MYH3: variants seen among roughly 807,000 people sequenced by gnomAD.
The protein encoded by MYH3 is myosin heavy chain 3.
A neutral mutation model predicts 238.0 loss-of-function variants in MYH3; 130 were observed. That is an observed-to-expected ratio of 0.55 (90% CI 0.47 to 0.63). The LOEUF (loss-of-function observed/expected upper bound fraction) is 0.63. Among genes scored for constraint, MYH3 ranks in the 30% least tolerant of loss-of-function variants. MYH3 has a pLI of 0.00. For missense variants in MYH3, 1,853 were observed against 2,374.9 expected (o/e 0.78, Z 4.57); for synonymous variants, 880 against 924.1 (o/e 0.95, Z 0.86).
chr17:10,650,398 C>A lies in MYH3; in HGVS notation c.509G>T (p.Arg170Leu), dbSNP rs777914421. The change falls in exon 6 of 41, where the codon CGT (arginine) becomes CTT (leucine). Residue 170 changes from arginine to leucine, a missense_variant. By Grantham distance (102) the Arg-to-Leu change is moderately radical. Around this residue, in one of 3 missense-constraint regions of MYH3, gnomAD observed 678 missense variants for 1,058.9 expected, o/e 0.64. Transcript: ENST00000583535. Reference sequence around the variant, plus strand: ...CGTGATCAGAATGGACTGGTTTTCACGATCTGCCAGAGGAAAAAATAAAAT... The same window carrying A: ...CGTGATCAGAATGGACTGGTTTTCAAGATCTGCCAGAGGAAAAAATAAAAT... The part of the protein sequence containing the change: ...DNAYQFMLTD[R>L]ENQSILITGE... 1 of 1,612,226 alleles carries A rather than the reference C, an allele frequency of 6.2e-7. No homozygotes were observed. The highest frequency in any genetic ancestry group is 1.1e-5 in the South Asian group (1 of 91,026).
In MYH3 at chr17:10,642,547, G is replaced by A. The variant is rs773628325; in HGVS notation, c.1758C>T (p.Thr586=). 16 of 1,614,114 alleles carry A rather than the reference G, an allele frequency of 9.9e-6. No individual in the cohort carries two copies. The highest frequency in any genetic ancestry group is 8.0e-5 in the African/African-American group (6 of 74,950). Residue 586 remains threonine (T), a synonymous_variant, in exon 16 of 41, where the codon ACC becomes ACT. Coordinates refer to ENST00000583535, the MANE Select transcript of MYH3 (RefSeq NM_002470.4). This position sits in a 1 kb window ranked among gnomAD's most constrained non-coding sequence, Gnocchi z 5.4. ...AHFSLIHYAG[T]VDYSVSGWLE... is the part of the protein sequence containing the mutation. ...GCCAACCTGAGACACTGTAGTCCAC[G>A]GTGCCCGCATAGTGGATCAGTGAGA... is the stretch of plus-strand genomic sequence containing the variant.
chr17:10,630,123 T>A lies in MYH3; in HGVS notation c.5531A>T (p.Tyr1844Phe). Residue 1844 changes from tyrosine (Y) to phenylalanine (F), a missense_variant, in exon 38 of 41, where the codon TAT (tyrosine) becomes TTT (phenylalanine). Transcript: ENST00000583535. ...CGTCAGCTCCTTGACCCTCCGCTCATACTTCCTCAGGCCCTTAACAGACTC... is the reference window on the plus strand; with the variant it reads ...CGTCAGCTCCTTGACCCTCCGCTCAAACTTCCTCAGGCCCTTAACAGACTC... ...NTESVKGLRK[Y>F]ERRVKELTYQ... 2 of 1,614,206 alleles carry A rather than the reference T, an allele frequency of 1.2e-6. No homozygotes were observed. Among genetic ancestry groups the A allele is most frequent in the Non-Finnish European group, 1.7e-6 (2 of 1,180,040 alleles).
At chr17:10,670,694 T>C in the MYH3 span, among the ~76,000 whole-genome samples, 2 of 146,620 alleles carry the variant, frequency 1.4e-5, no homozygotes, top group African/African-American at 4.9e-5. This position sits in a 1 kb window ranked among gnomAD's most constrained non-coding sequence, Gnocchi z 7.0. Context: ...AACACACCAC[T>C]ATTATTAATG....
rs2074413694 is a variant in MYH3, at chr17:10,654,907, T to C, written c.158A>G (p.Lys53Arg). 1.2e-6 allele frequency: 2 copies of C among 1,614,184 alleles called. No individual in the cohort carries two copies. The highest frequency in any genetic ancestry group is 1.7e-6 in the Non-Finnish European group (2 of 1,180,036). The stretch of plus-strand genomic sequence containing the variant: ...AGTGACCTTCCCATCCTGAGAACTC[T>C]TGATTTTCCCCTTGGCATATTCTTC... ...SKEEYAKGKI[K>R]SSQDGKVTVE... The change falls in exon 3 of 41, where the codon AAG becomes AGG. Residue 53 changes from lysine to arginine, a missense_variant. Physicochemically the swap from Lys to Arg is conservative, Grantham distance 26. Around this residue, in one of 3 missense-constraint regions of MYH3, gnomAD observed 131 missense variants for 123.5 expected, o/e 1.06. Coordinates refer to ENST00000583535, the MANE Select transcript of MYH3 (RefSeq NM_002470.4). This position sits in a 1 kb window ranked among gnomAD's most constrained non-coding sequence, Gnocchi z 4.5.
Position 10,634,104 on chromosome 17 carries a change from T to C in MYH3, c.4435A>G (p.Ser1479Gly), listed in dbSNP as rs767224647. The C allele has an allele frequency of 6.2e-7, 1 of 1,614,210 alleles. No individual in the cohort carries two copies. Among genetic ancestry groups the C allele is most frequent in the South Asian group, 1.1e-5 (1 of 91,088 alleles). The stretch of plus-strand genomic sequence containing the variant: ...TTTTTCAGTTTGAAGAGCTCAGTGC[T>C]CAAGGAGCGGGACTCCTTCAGGGAT... ...EASLKESRSL[S>G]TELFKLKNAY... Residue 1479 changes from serine to glycine, a missense_variant, in exon 32 of 41, where the codon AGC becomes GGC. Ser to Gly is a moderately conservative substitution (Grantham distance 56). Coordinates refer to ENST00000583535, the MANE Select transcript of MYH3 (RefSeq NM_002470.4).
At chr17:10,655,636 C>T (rs917005943) in intron 2 of MYH3, among the ~76,000 whole-genome samples, 2 of 152,100 alleles carry the variant, frequency 1.3e-5, no homozygotes, top group Non-Finnish European at 2.9e-5. Context: ...AATGCCACCT[C>T]CTCTCCCGCC....
intron 6 of MYH3, 121 bp from the exon 7 acceptor site, chr17:10,649,806 C>G (rs145070735): frequency 1.1e-6 from 1 of 889,176 alleles, no homozygotes; most frequent in Non-Finnish European, 1.9e-6. Flanking sequence ...ACTCACCACA[C>G]TAATGTGACA....
intron 40 of MYH3, among the ~76,000 whole-genome samples, chr17:10,629,369 T>G (rs1298486376): frequency 6.6e-6 from 1 of 152,214 alleles, no homozygotes; most frequent in Non-Finnish European, 1.5e-5. Context: ...TCATTCTTTT[T>G]TATGGCTGCA....
chr17:10,664,518 C>T, the MYH3 span, among the ~76,000 whole-genome samples: 1 of 152,116 alleles, frequency 6.6e-6, no homozygotes, highest in East Asian at 1.9e-4. Flanking sequence ...CAAAGTTAAT[C>T]AGAGTAAATT....
At chr17:10,670,140 T>G in the MYH3 span, among the ~76,000 whole-genome samples, 93,685 of 151,940 alleles carry the variant, frequency 0.62, 29,161 homozygotes, top group East Asian at 0.84. This position sits in a 1 kb window ranked among gnomAD's most constrained non-coding sequence, Gnocchi z 7.0. Flanking sequence ...ATTTCCTTCA[T>G]AGGCTTGAGT....
the MYH3 span, among the ~76,000 whole-genome samples, chr17:10,670,880 T>C: frequency 1.3e-5 from 2 of 152,080 alleles, no homozygotes; most frequent in Non-Finnish European, 2.9e-5. This position sits in a 1 kb window ranked among gnomAD's most constrained non-coding sequence, Gnocchi z 7.0. Flanking sequence ...TTTTATCTGC[T>C]GTAATTGTTT....
In MYH3 at chr17:10,632,592, G is replaced by A. The variant is rs141020227; in HGVS notation, c.4840C>T (p.Arg1614Trp). The change falls in exon 34 of 41, where the codon CGG (arginine) becomes TGG (tryptophan). Residue 1614 changes from arginine (R) to tryptophan (W), a missense_variant. Arg to Trp is a moderately radical substitution (Grantham distance 101). Around this residue, in one of 3 missense-constraint regions of MYH3, gnomAD observed 1,044 missense variants for 1,192.6 expected, o/e 0.88. Coordinates refer to ENST00000583535, the MANE Select transcript of MYH3 (RefSeq NM_002470.4). ...TCCCCCTCCATCTTCTTCTTGAGCC[G>A]GATGGCTTCATTCCTGCTCCGCACC... is the stretch of plus-strand genomic sequence containing the variant. ...AEVRSRNEAIRLKKKMEGDLN... is the reference protein window; with the variant it reads ...AEVRSRNEAIWLKKKMEGDLN... 1.2e-4 allele frequency: 198 copies of A among 1,614,004 alleles called. No individual in the cohort carries two copies. Among genetic ancestry groups the A allele is most frequent in the Non-Finnish European group, 1.5e-4 (176 of 1,180,044 alleles).
intron 29 of MYH3, 24 bp downstream of exon 29, chr17:10,635,711 A>T (rs767531669): frequency 1.2e-6 from 2 of 1,612,688 alleles, no homozygotes; most frequent in Non-Finnish European, 1.7e-6. Context: ...ATAAGGGCAA[A>T]GAAGTCTTCC....
chr17:10,645,921 C>T lies in MYH3; in HGVS notation c.1002+8G>A, dbSNP rs369286773. 48 of 1,613,886 alleles carry T rather than the reference C, an allele frequency of 3.0e-5. No homozygotes were observed. In the African/African-American group the frequency reaches 6.0e-4, roughly 20 times the overall value. On this transcript the variant is annotated splice_region_variant and intron_variant, in intron 11 of 40. Transcript: ENST00000583535. ...GGAACACCCACCCCTTCTGTTGGTT[C>T]CACTTACGTCTGTAGCCAGCAGCTC...
In MYH3 at chr17:10,638,052, C is replaced by G; in HGVS notation, c.3720G>C (p.Ser1240=). ...CCACCCCGCGCAGCACCTTAGATTT[C>G]GACACACTCTCCATGCTGCTGGAGA... ...DDLSSSMESV[S]KSKANLEKIC... The change falls in exon 27 of 41, where the codon TCG becomes TCC. Residue 1240 remains serine (S), a synonymous_variant. Coordinates refer to ENST00000583535, the MANE Select transcript of MYH3 (RefSeq NM_002470.4). 1 of 1,613,740 alleles carries G rather than the reference C, an allele frequency of 6.2e-7. No homozygotes were observed. Among genetic ancestry groups the G allele is most frequent in the Admixed American group, 1.7e-5 (1 of 59,992 alleles).
rs1181126159 is a variant in MYH3 at position 10,634,833 on chromosome 17, C to T, written c.4356+7G>A. The T allele has an allele frequency of 1.9e-6, 3 of 1,614,100 alleles. No homozygotes were observed. Among genetic ancestry groups the T allele is most frequent in the Non-Finnish European group, 2.5e-6 (3 of 1,180,010 alleles). ...GGCATTCACCCAGCACACAGCGGAC[C>T]CCACACCTTGTCAAAGTTCCTCTGC... On this transcript the variant is annotated splice_region_variant and intron_variant, in intron 31 of 40. Transcript: ENST00000583535.
chr17:10,631,478 G>C, intron 36 of MYH3, 133 bp downstream of exon 36: 2 of 1,316,266 alleles, frequency 1.5e-6, no homozygotes, highest in South Asian at 2.5e-5. Context: ...GAGTTTGAGC[G>C]GAGATGGGAG....
At chr17:10,650,460 T>C (rs1567561622) in intron 5 of MYH3, 59 bp from the exon 6 acceptor site, 12 of 1,491,392 alleles carry the variant, frequency 8.0e-6, no homozygotes, top group Non-Finnish European at 1.0e-5. Flanking sequence ...TTCCCGATTC[T>C]ACCCAACTCT....
At chr17:10,641,508 CTTTT>C (rs541839271) in intron 17 of MYH3, 136 bp from the exon 18 acceptor site, 1,090 of 114,248 alleles carry the variant, frequency 9.5e-3, no homozygotes, top group Non-Finnish European at 0.012. Flanking sequence ...TTAACTCTGT[CTTTT>C]TTTTTTTTTT....
Sources: gnomAD v4.1 joint callset for allele counts (sites outside exome capture counted in the v4.1 genomes callset) on GRCh38, gnomAD v4.1.1 for gene constraint, gnomAD v4.1.1 regional missense constraint, Gnocchi (gnomAD v3.1) non-coding constraint, MANE v1.5 for transcripts, NCBI Gene and HGNC (gene_info 2026-07-23, HGNC 2026-07-21) for gene names.